AARSD1: variants seen among roughly 807,000 people sequenced by gnomAD.
The protein encoded by AARSD1 is alanyl-tRNA editing protein Aarsd1.
AARSD1 carries 44 observed loss-of-function variants against 48.7 expected under a neutral mutation model. The ratio of observed to expected loss-of-function variants is 0.90; its 90% confidence interval spans 0.71 to 1.16. AARSD1 has a LOEUF of 1.16. AARSD1 is among the 50% of genes most tolerant of loss of function. The pLI is 0.00. For synonymous variants in AARSD1, 189 were observed against 194.9 expected, an observed-to-expected ratio of 0.97 and a Z score of 0.25; for missense variants, 511 against 523.1, an observed-to-expected ratio of 0.98 and a Z score of 0.23.
chr17:42,959,196 C>CAA (rs1196945159), intron 3 of AARSD1, among the ~76,000 whole-genome samples: 1,033 of 59,388 alleles, frequency 0.017, 16 homozygotes, highest in Non-Finnish European at 0.021. Context: ...GACTTTGTCT[C>CAA]AAAAAAAAAA....
At chr17:42,959,196 CAAA>C (rs1196945159) in intron 3 of AARSD1, among the ~76,000 whole-genome samples, 2 of 59,956 alleles carry the variant, frequency 3.3e-5, no homozygotes, top group Admixed American at 1.8e-4. Flanking sequence ...GACTTTGTCT[CAAA>C]AAAAAAAAAA....
intron 9 of AARSD1, 133 bp from the exon 10 acceptor site, chr17:42,953,911 G>A: frequency 8.7e-7 from 1 of 1,148,498 alleles, no homozygotes; most frequent in Non-Finnish European, 1.3e-6. Flanking sequence ...TTAGCCAAGA[G>A]AGAGTACTGG....
intron 2 of AARSD1, among the ~76,000 whole-genome samples, chr17:42,963,629 A>C (rs690664): frequency 0.94 from 142,087 of 151,740 alleles, 67,245 homozygotes; most frequent in East Asian, 1. Context: ...CAGTCCCTAA[A>C]ACCCGAAGCT....
chr17:42,951,350 G>A (rs7219730), intron 11 of AARSD1, among the ~76,000 whole-genome samples: 6,866 of 152,056 alleles, frequency 0.045, 520 homozygotes, highest in African/African-American at 0.16. Context: ...TCAGGAGTTC[G>A]AGACCAGCCT....
At chr17:42,956,145 T>A in intron 6 of AARSD1, 59 bp downstream of exon 6, 2 of 1,612,476 alleles carry the variant, frequency 1.2e-6, no homozygotes, top group East Asian at 2.2e-5. Flanking sequence ...CCCAGCCCCA[T>A]GTGATCCCCT....
chr17:42,955,325 C>T, intron 7 of AARSD1, 101 bp from the exon 8 acceptor site: 1 of 1,406,572 alleles, frequency 7.1e-7, no homozygotes, highest in Non-Finnish European at 9.7e-7. Flanking sequence ...TGCCTCCCTG[C>T]AGTCAGGGAC....
At chr17:42,959,605 G>C (rs895535614) in intron 3 of AARSD1, among the ~76,000 whole-genome samples, 4 of 151,686 alleles carry the variant, frequency 2.6e-5, no homozygotes. Context: ...CGATCTTCCC[G>C]TGTCAGCCTC....
chr17:42,957,247 CACAATGATAAAATATGAGCT>C, intron 3 of AARSD1, 52 bp from the exon 4 acceptor site: 1 of 1,603,876 alleles, frequency 6.2e-7, no homozygotes, highest in Non-Finnish European at 8.5e-7. Flanking sequence ...TACATACTCC[CACAATGATAAAATATGAGCT>C]ACAATGATAA....
rs2049483481 is a variant in AARSD1 at position 42,951,852 on chromosome 17, C to T, written c.1051G>A (p.Gly351Arg). The T allele has an allele frequency of 1.2e-6, 2 of 1,614,020 alleles. No homozygotes were observed. The highest frequency in any genetic ancestry group is 1.7e-5 in the Admixed American group (1 of 59,998). ...GGTGGCCCTGCCAGTAAGAAGAGTC[C>T]ACCACCTTTCTCATCGCCCACAGTT... ...FLTVGDEKGG[G>R]LFLLAGPPAS... Residue 351 changes from glycine to arginine, a missense_variant, in exon 11 of 12, where the codon GGA (glycine) becomes AGA (arginine). By Grantham distance (125) the Gly-to-Arg change is moderately radical. Coordinates refer to ENST00000427569, the MANE Select transcript of AARSD1 (RefSeq NM_001261434.2).
At position 42,956,351 on chromosome 17, in the gene AARSD1, G is replaced by C. The variant is rs760619124; in HGVS notation, c.547-31C>G. Reference sequence around the variant, plus strand: ...CTCAAGGAGAGGGGAGGGACTGTCTGAATCTGATGAGGAATCATTCCGCAG... The same window carrying C: ...CTCAAGGAGAGGGGAGGGACTGTCTCAATCTGATGAGGAATCATTCCGCAG... On this transcript the variant is annotated intron_variant, in intron 5 of 11. Transcript: ENST00000427569. 92 of 1,614,018 alleles carry C rather than the reference G, an allele frequency of 5.7e-5. 3 individuals carry two copies. The highest frequency in any genetic ancestry group is 4.7e-4 in the East Asian group (21 of 44,896).
rs1262864383 is a variant in AARSD1, at chr17:42,955,896, A to G, written c.740T>C (p.Leu247Pro). ...NLIFLSGNRV[L>P]KWMERSHGTE... ...TCCATGACTTCTCTCCATCCACTTC[A>G]GCACCCGGTTCCCAGACAGAAATAT... is the stretch of plus-strand genomic sequence containing the variant. Residue 247 changes from leucine to proline, a missense_variant, in exon 7 of 12, where the codon CTG (leucine) becomes CCG (proline). Coordinates refer to ENST00000427569, the MANE Select transcript of AARSD1 (RefSeq NM_001261434.2). The G allele has an allele frequency of 1.2e-6, 2 of 1,614,102 alleles. No individual in the cohort carries two copies. Among genetic ancestry groups the G allele is most frequent in the East Asian group, 2.2e-5 (1 of 44,878 alleles).
chr17:42,960,267 C>CA (rs920798640), intron 3 of AARSD1, among the ~76,000 whole-genome samples: 28 of 139,028 alleles, frequency 2.0e-4, no homozygotes, highest in East Asian at 6.4e-4. Flanking sequence ...GACTCCAACT[C>CA]AAAAAAAAAA....
At position 42,954,745 on chromosome 17, in the gene AARSD1, C is replaced by G. The variant is rs1471895763; in HGVS notation, c.953+131G>C. 3 of 1,035,218 alleles carry G rather than the reference C, an allele frequency of 2.9e-6. No individual in the cohort carries two copies. In the African/African-American group the frequency reaches 4.8e-5, roughly 17 times the overall value. 64.1% of individuals were successfully genotyped at this position (1,035,218 alleles called of 1,614,324 possible). A position where few individuals can be genotyped will look rare whatever the true frequency, so the allele number is the denominator to read the frequency against. On this transcript the variant is annotated intron_variant, in intron 9 of 11. Coordinates refer to ENST00000427569, the MANE Select transcript of AARSD1 (RefSeq NM_001261434.2). ...ACCGCGCCCGGCCAGTAACATATTTCTTAGGATCTACTCAACCTTGAGAAT... is the reference window on the plus strand; with the variant it reads ...ACCGCGCCCGGCCAGTAACATATTTGTTAGGATCTACTCAACCTTGAGAAT...
chr17:42,962,915 T>C (rs1355445272), intron 2 of AARSD1, among the ~76,000 whole-genome samples: 1 of 152,160 alleles, frequency 6.6e-6, no homozygotes, highest in Non-Finnish European at 1.5e-5. Context: ...TCCCCACTAC[T>C]GGAGAGGCTA....
chr17:42,956,412 C>T lies in AARSD1; in HGVS notation c.538G>A (p.Val180Met), dbSNP rs748340816. The T allele has an allele frequency of 6.2e-7, 1 of 1,614,100 alleles. No homozygotes were observed. Among genetic ancestry groups the T allele is most frequent in the Non-Finnish European group, 8.5e-7 (1 of 1,180,022 alleles). The change falls in exon 5 of 12, where the codon GTG becomes ATG. Residue 180 changes from valine to methionine, a missense_variant. Transcript: ENST00000427569. ...TCTGGCTCTACCCTTACCTGCTCCA[C>T]CTCAGGATCATCCAGGCTCAGTTCT... Reference protein sequence around the residue: ...VRELSLDDPEVEQVSGRGLPD... With the variant: ...VRELSLDDPEMEQVSGRGLPD...
chr17:42,959,364 C>T (rs898812646), intron 3 of AARSD1, among the ~76,000 whole-genome samples: 5 of 151,660 alleles, frequency 3.3e-5, no homozygotes, highest in African/African-American at 1.2e-4. Flanking sequence ...TACAGGCATG[C>T]ACCACCACGC....
intron 10 of AARSD1, among the ~76,000 whole-genome samples, chr17:42,952,989 T>G (rs955871808): frequency 3.9e-5 from 6 of 152,086 alleles, no homozygotes; most frequent in Non-Finnish European, 7.4e-5. Context: ...AATTTTTGTC[T>G]TCTGTTTTGA....
At chr17:42,964,326 C>G (rs1456980770) in intron 1 of AARSD1, 76 bp downstream of exon 1, 2 of 1,594,460 alleles carry the variant, frequency 1.3e-6, no homozygotes, top group Non-Finnish European at 1.7e-6. Flanking sequence ...TGTTGGCACT[C>G]CCTACACGTG....
intron 11 of AARSD1, among the ~76,000 whole-genome samples, chr17:42,951,492 G>A (rs956885428): frequency 2.6e-5 from 4 of 152,318 alleles, no homozygotes; most frequent in East Asian, 3.9e-4. Context: ...GGTGGTGGCT[G>A]CAGTGAGCTG....
Sources: allele counts gnomAD v4.1 joint callset (sites outside exome capture counted in the v4.1 genomes callset), GRCh38; gene constraint gnomAD v4.1.1; transcripts MANE v1.5; gene names NCBI Gene and HGNC (gene_info 2026-07-23, HGNC 2026-07-21).